Variants in DNAJB14 observed in about 807,000 individuals in gnomAD.
DNAJB14 encodes the protein DnaJ heat shock protein family (Hsp40) member B14.
A neutral mutation model predicts 48.4 loss-of-function variants in DNAJB14; 22 were observed. That is an observed-to-expected ratio of 0.45 (90% CI 0.32 to 0.65). The LOEUF (loss-of-function observed/expected upper bound fraction) is 0.65. DNAJB14 is among the 30% of genes least tolerant of loss of function. The pLI, the probability that DNAJB14 is intolerant of heterozygous loss-of-function variation, is 0.03. For synonymous variants in DNAJB14, 142 were observed against 158.7 expected, an observed-to-expected ratio of 0.89 and a Z score of 0.79; for missense variants, 319 against 458.8, an observed-to-expected ratio of 0.70 and a Z score of 2.78.
At chr4:99,913,471 A>G (rs1197965505) in intron 3 of DNAJB14, among the ~76,000 whole-genome samples, 1 of 152,122 alleles carries the variant, frequency 6.6e-6, no homozygotes, top group African/African-American at 2.4e-5. Context: ...GTGGTGGATT[A>G]CACTTATTGA....
rs982613533 is a variant in DNAJB14 at position 99,899,281 on chromosome 4, T to C, written c.*1747A>G. On this transcript the variant is annotated 3_prime_UTR_variant, in exon 8 of 8. Coordinates refer to ENST00000442697, the MANE Select transcript of DNAJB14 (RefSeq NM_001031723.4). ...TTTTTCATTCAAATTTTCATAAATT[T>C]TCTGATGCATATGAACTTTCAAAGT... 3 of 151,918 alleles carry C rather than the reference T, an allele frequency of 2.0e-5. No individual in the cohort carries two copies. The highest frequency in any genetic ancestry group is 7.2e-5 in the African/African-American group (3 of 41,440). The allele number at this position is 151,918 out of a possible 1,614,324, so 9.4% of individuals were successfully genotyped here.
chr4:99,897,562 A>C lies in DNAJB14; in HGVS notation c.*3466T>G, dbSNP rs1725174194. On this transcript the variant is annotated 3_prime_UTR_variant, in exon 8 of 8. Transcript: ENST00000442697. ...TCCTTTTTCTTTGTAACTAAAAATT[A>C]GAATTTAAAATGTTGGAAATTATTG... 6.6e-6 allele frequency: 1 copy of C among 152,014 alleles called. No homozygotes were observed. Among genetic ancestry groups the C allele is most frequent in the Admixed American group, 6.5e-5 (1 of 15,272 alleles). 9.4% of individuals were successfully genotyped at this position (152,014 alleles called of 1,614,324 possible).
intron 5 of DNAJB14, chr4:99,905,971 C>T (rs1725449890): frequency 7.8e-7 from 1 of 1,287,410 alleles, no homozygotes; most frequent in Non-Finnish European, 9.9e-7. Flanking sequence ...TTTCTCTTTC[C>T]CGACTCCCTC....
chr4:99,914,863 G>GATA (rs1475348788), intron 3 of DNAJB14, among the ~76,000 whole-genome samples: 1 of 152,000 alleles, frequency 6.6e-6, no homozygotes, highest in African/African-American at 2.4e-5. Context: ...TGTCTGCAGT[G>GATA]ATATCCTTGT....
chr4:99,941,198 C>A (rs1726878733), intron 1 of DNAJB14, among the ~76,000 whole-genome samples: 1 of 151,986 alleles, frequency 6.6e-6, no homozygotes, highest in Non-Finnish European at 1.5e-5. Context: ...TAAAATAGTT[C>A]CTGACCGCTA....
chr4:99,919,570 C>T (rs1370271050), intron 3 of DNAJB14, among the ~76,000 whole-genome samples: 1 of 150,856 alleles, frequency 6.6e-6, no homozygotes, highest in East Asian at 1.9e-4. Flanking sequence ...GGTGACAGAG[C>T]AAGACTCCAT....
At chr4:99,915,788 TTC>T (rs953912424) in intron 3 of DNAJB14, among the ~76,000 whole-genome samples, 1 of 152,194 alleles carries the variant, frequency 6.6e-6, no homozygotes, top group African/African-American at 2.4e-5. Flanking sequence ...CTTGTTGATT[TTC>T]TGTCTAATTG....
chr4:99,946,337 G>C, intron 1 of DNAJB14, 102 bp downstream of exon 1: 1 of 1,505,520 alleles, frequency 6.6e-7, no homozygotes, highest in Non-Finnish European at 8.9e-7. Context: ...CAGACAGGCC[G>C]GGGGCCCCGC....
At chr4:99,935,544 T>G (rs1726641815) in intron 1 of DNAJB14, among the ~76,000 whole-genome samples, 1 of 152,212 alleles carries the variant, frequency 6.6e-6, no homozygotes, top group South Asian at 2.1e-4. Context: ...TGTATAGTTA[T>G]TTATACAACT....
intron 1 of DNAJB14, among the ~76,000 whole-genome samples, chr4:99,945,447 C>T (rs939967567): frequency 2.6e-5 from 4 of 152,158 alleles, no homozygotes; most frequent in Admixed American, 2.6e-4. Context: ...CCTGGAAATA[C>T]TAATGGCAAG....
At chr4:99,910,402 C>T (rs1471621921) in intron 3 of DNAJB14, 1 of 151,960 alleles carries the variant, frequency 6.6e-6, no homozygotes, top group Non-Finnish European at 1.5e-5. Flanking sequence ...ATCTATCAAT[C>T]TCTGCTAAAA....
chr4:99,926,552 A>G (rs1369396668), intron 2 of DNAJB14: 1 of 152,146 alleles, frequency 6.6e-6, no homozygotes, highest in Non-Finnish European at 1.5e-5. Flanking sequence ...TAAAGCCATT[A>G]CTACTTGGTT....
chr4:99,897,384 T>C lies in DNAJB14; in HGVS notation c.*3644A>G, dbSNP rs992967074. On this transcript the variant is annotated 3_prime_UTR_variant, in exon 8 of 8. Transcript: ENST00000442697. ...ATAATCCTTAATATAAGGAGTATGT[T>C]TTGAATTAATGTTTTGAGGAAAAGT... 8 of 151,682 alleles carry C rather than the reference T, an allele frequency of 5.3e-5. No individual in the cohort carries two copies. Among genetic ancestry groups the C allele is most frequent in the African/African-American group, 1.9e-4 (8 of 41,376 alleles). 9.4% of individuals were successfully genotyped at this position (151,682 alleles called of 1,614,324 possible).
At chr4:99,936,375 T>A (rs1407725126) in intron 1 of DNAJB14, among the ~76,000 whole-genome samples, 2 of 152,248 alleles carry the variant, frequency 1.3e-5, no homozygotes, top group African/African-American at 4.8e-5. Flanking sequence ...TGTGTGTGCA[T>A]GTGTCACAGA....
At chr4:99,901,986 C>A (rs1346888622) in intron 7 of DNAJB14, among the ~76,000 whole-genome samples, 3 of 152,110 alleles carry the variant, frequency 2.0e-5, no homozygotes, top group Admixed American at 2.0e-4. Context: ...TTGTAAAGAT[C>A]TCCAGAAATA....
chr4:99,921,073 A>C (rs1578224622), intron 3 of DNAJB14, among the ~76,000 whole-genome samples: 1 of 152,170 alleles, frequency 6.6e-6, no homozygotes, highest in Non-Finnish European at 1.5e-5. Context: ...GCCATCTGTA[A>C]TATTTTCTAA....
chr4:99,903,304 AT>A (rs1354011836), intron 7 of DNAJB14, among the ~76,000 whole-genome samples: 2 of 152,146 alleles, frequency 1.3e-5, no homozygotes, highest in African/African-American at 2.4e-5. Context: ...AACAAAACTC[AT>A]TGTACATTAA....
chr4:99,944,690 C>T (rs1276759787), intron 1 of DNAJB14, among the ~76,000 whole-genome samples: 1 of 151,928 alleles, frequency 6.6e-6, no homozygotes, highest in Non-Finnish European at 1.5e-5. Flanking sequence ...TCTCCTGCCT[C>T]AGCATCCCCT....
At chr4:99,929,981 G>C (rs1187485687) in intron 2 of DNAJB14, 1 of 152,086 alleles carries the variant, frequency 6.6e-6, no homozygotes, top group African/African-American at 2.4e-5. Context: ...TCTGCGAAAG[G>C]ACATTATAGT....
Sources: gnomAD v4.1 joint callset for allele counts (sites outside exome capture counted in the v4.1 genomes callset) on GRCh38, gnomAD v4.1.1 for gene constraint, MANE v1.5 for transcripts, NCBI Gene and HGNC (gene_info 2026-07-23, HGNC 2026-07-21) for gene names.